Variants in MINDY2 observed in about 807,000 individuals in gnomAD.
MINDY2 encodes the protein MINDY lysine 48 deubiquitinase 2.
In MINDY2, 52 loss-of-function variants were observed where a neutral mutation model predicts 68.2. The observed-to-expected ratio is 0.76, with a 90% confidence interval of 0.61 to 0.96. The LOEUF (loss-of-function observed/expected upper bound fraction) is 0.96, where lower values mean the gene tolerates loss of function less well. MINDY2 is among the 40% of genes least tolerant of loss of function. The pLI, the probability that MINDY2 is intolerant of heterozygous loss-of-function variation, is 0.00. For synonymous variants in MINDY2, 372 were observed against 303.0 expected (o/e 1.23, Z -2.36); for missense variants, 881 against 773.4 (o/e 1.14, Z -1.65).
intron 6 of MINDY2, among the ~76,000 whole-genome samples, chr15:58,839,119 T>G (rs1171826923): frequency 6.6e-6 from 1 of 152,024 alleles, no homozygotes; most frequent in East Asian, 1.9e-4. Context: ...ATTTAATTTT[T>G]TTTTGAGTGT....
In MINDY2 at chr15:58,802,367, A is replaced by G. The variant is rs755806656; in HGVS notation, c.953A>G (p.Asn318Ser). The G allele has an allele frequency of 6.3e-7, 1 of 1,583,240 alleles. No individual in the cohort carries two copies. Among genetic ancestry groups the G allele is most frequent in the Non-Finnish European group, 8.6e-7 (1 of 1,163,432 alleles). ...PKEISEIQRL[N>S]YEQNMSDAMA... ...GAAATTTCAGAAATTCAACGTTTAA[A>G]TTATGAACAGGTAATAAACAGTTTT... Residue 318 changes from asparagine to serine, a missense_variant, in exon 3 of 9, where the codon AAT becomes AGT. Physicochemically the swap from Asn to Ser is conservative, Grantham distance 46. Transcript: ENST00000559228.
At chr15:58,809,438 T>C (rs1189654970) in intron 3 of MINDY2, among the ~76,000 whole-genome samples, 1 of 152,178 alleles carries the variant, frequency 6.6e-6, no homozygotes, top group East Asian at 1.9e-4. Flanking sequence ...TAATATTCCA[T>C]TGTATGTATA....
intron 3 of MINDY2, 92 bp downstream of exon 3, chr15:58,802,469 G>A (rs1902732695): frequency 5.3e-6 from 4 of 761,822 alleles, no homozygotes; most frequent in Non-Finnish European, 8.3e-6. Flanking sequence ...TTCTATAAAG[G>A]ATTAGATAGT....
In MINDY2 at chr15:58,794,358, G is replaced by GGTGTGTGTGTGTGTGTGT. The variant is rs3985718; in HGVS notation, c.898+6416_898+6433dup. On this transcript the variant is annotated intron_variant, in intron 2 of 8. Coordinates refer to ENST00000559228, the MANE Select transcript of MINDY2 (RefSeq NM_001040450.3). ...AAAGTAGAATAAAAGTTTTTTTTGG[G>GGTGTGTGTGTGTGTGTGT]GTGTGTGTGTGTGTGTGTGTGTGTG... Among the ~76,000 whole-genome samples, 8 of 139,112 alleles carry GGTGTGTGTGTGTGTGTGT rather than the reference G, an allele frequency of 5.8e-5. No individual in the cohort carries two copies. In the East Asian group the frequency reaches 6.5e-4, roughly 11 times the overall value. The allele number at this position is 139,112 out of a possible 152,430, so 91.3% of individuals were successfully genotyped here.
intron 5 of MINDY2, among the ~76,000 whole-genome samples, chr15:58,827,983 A>G (rs1418655376): frequency 2.6e-5 from 4 of 151,880 alleles, no homozygotes. Context: ...CTGTAATCCC[A>G]GCACTTTGGG....
At chr15:58,792,671 G>T (rs1044793040) in intron 2 of MINDY2, among the ~76,000 whole-genome samples, 5 of 152,208 alleles carry the variant, frequency 3.3e-5, no homozygotes, top group African/African-American at 1.2e-4. Context: ...GGAAACAACC[G>T]AAATGTCTTA....
intron 4 of MINDY2, among the ~76,000 whole-genome samples, 191 bp from the exon 5 acceptor site, chr15:58,821,523 CATA>C (rs1156793889): frequency 6.6e-6 from 1 of 151,966 alleles, no homozygotes; most frequent in Non-Finnish European, 1.5e-5. Context: ...CAGTATTTTT[CATA>C]ATGTGTCCTA....
chr15:58,807,200 A>C (rs1417626473), intron 3 of MINDY2, among the ~76,000 whole-genome samples: 1 of 152,022 alleles, frequency 6.6e-6, no homozygotes, highest in Non-Finnish European at 1.5e-5. Flanking sequence ...TTGTGTCTTT[A>C]GTATCTTGTA....
In MINDY2 at chr15:58,854,670, A is replaced by C. The variant is rs1465990429; in HGVS notation, c.*60A>C. 1.0e-5 allele frequency: 16 copies of C among 1,543,134 alleles called. No homozygotes were observed. In the African/African-American group the frequency reaches 2.2e-4, roughly 21 times the overall value. ...CTTGAGAAACAAAACCACAGGAGGAAAGGAAGAAAAACCGATCAATACCGT... is the reference window on the plus strand; with the variant it reads ...CTTGAGAAACAAAACCACAGGAGGACAGGAAGAAAAACCGATCAATACCGT... On this transcript the variant is annotated 3_prime_UTR_variant, in exon 9 of 9. Transcript: ENST00000559228.
intron 3 of MINDY2, among the ~76,000 whole-genome samples, chr15:58,805,240 T>C (rs1439513269): frequency 1.3e-5 from 2 of 151,444 alleles, no homozygotes; most frequent in South Asian, 2.1e-4. Flanking sequence ...ATGTCAAGCT[T>C]ATATGGCTGG....
chr15:58,800,562 T>G (rs1902571692), intron 2 of MINDY2, among the ~76,000 whole-genome samples: 1 of 152,182 alleles, frequency 6.6e-6, no homozygotes, highest in African/African-American at 2.4e-5. Context: ...TGTGACATGA[T>G]CTTTCTTATA....
rs1436018780 is a variant in MINDY2, at chr15:58,771,653, C to T, written c.258C>T (p.Asp86=). The T allele has an allele frequency of 2.5e-6, 4 of 1,612,578 alleles. No individual in the cohort carries two copies. Among genetic ancestry groups the T allele is most frequent in the Admixed American group, 3.3e-5 (2 of 60,016 alleles). ...PGPCSSSAGL[D]LKDSGLESPA... ...CCTGCAGCTCCTCCGCGGGTTTGGA[C>T]TTGAAGGACAGTGGTTTGGAGAGTC... Residue 86 remains aspartate, a synonymous_variant, in exon 1 of 9, where the codon GAC becomes GAT. Coordinates refer to ENST00000559228, the MANE Select transcript of MINDY2 (RefSeq NM_001040450.3).
chr15:58,802,115 T>C (rs577086705), intron 2 of MINDY2, among the ~76,000 whole-genome samples, 198 bp from the exon 3 acceptor site: 1 of 152,162 alleles, frequency 6.6e-6, no homozygotes, highest in Admixed American at 6.6e-5. Context: ...CAAAGCACTA[T>C]AGTATATACA....
Position 58,857,578 on chromosome 15 carries a change from T to G in MINDY2, c.*2968T>G, listed in dbSNP as rs1650881964. Reference sequence around the variant, plus strand: ...AAATTAGAGCTATTGTGTCTTTATTTTCTTAAATTTTGCCCAAGGTAACGT... The same window carrying G: ...AAATTAGAGCTATTGTGTCTTTATTGTCTTAAATTTTGCCCAAGGTAACGT... On this transcript the variant is annotated 3_prime_UTR_variant, in exon 9 of 9. Transcript: ENST00000559228. 6.6e-6 allele frequency: 1 copy of G among 152,002 alleles called. No individual in the cohort carries two copies. Among genetic ancestry groups the G allele is most frequent in the Admixed American group, 6.6e-5 (1 of 15,244 alleles). 9.4% of individuals were successfully genotyped at this position (152,002 alleles called of 1,614,324 possible). A position where few individuals can be genotyped will look rare whatever the true frequency, so the allele number is the denominator to read the frequency against.
At chr15:58,814,362 G>A (rs1327900348) in intron 4 of MINDY2, among the ~76,000 whole-genome samples, 2 of 151,222 alleles carry the variant, frequency 1.3e-5, no homozygotes, top group Non-Finnish European at 3.0e-5. Flanking sequence ...AATTAGATTG[G>A]TTCTTTACAG....
intron 6 of MINDY2, among the ~76,000 whole-genome samples, chr15:58,839,700 C>T (rs2032184101): frequency 3.9e-5 from 6 of 152,126 alleles, no homozygotes; most frequent in Admixed American, 3.9e-4. Context: ...GGTGGTGTTT[C>T]AGTACAGCAA....
intron 2 of MINDY2, among the ~76,000 whole-genome samples, chr15:58,802,037 T>C (rs1181692913): frequency 1.1e-4 from 17 of 152,214 alleles, no homozygotes; most frequent in African/African-American, 3.1e-4. Context: ...AAATTTGTTA[T>C]AACCTTTGGG....
At chr15:58,778,681 T>G (rs1900931021) in intron 1 of MINDY2, among the ~76,000 whole-genome samples, 1 of 151,558 alleles carries the variant, frequency 6.6e-6, no homozygotes, top group African/African-American at 2.4e-5. Flanking sequence ...GGCTGGAGTG[T>G]GGTGGTGCAA....
At chr15:58,833,442 A>C (rs1350455340) in intron 6 of MINDY2, among the ~76,000 whole-genome samples, 2 of 152,202 alleles carry the variant, frequency 1.3e-5, no homozygotes, top group African/African-American at 4.8e-5. Flanking sequence ...ATAGAGAAAG[A>C]AAAAAGGGGG....
Sources: gnomAD v4.1 joint callset for allele counts (sites outside exome capture counted in the v4.1 genomes callset) on GRCh38, gnomAD v4.1.1 for gene constraint, MANE v1.5 for transcripts, NCBI Gene and HGNC (gene_info 2026-07-23, HGNC 2026-07-21) for gene names.